Variants in PCDHGB2 observed in about 807,000 individuals in gnomAD.
The protein encoded by PCDHGB2 is protocadherin gamma subfamily B, 2.
Under a neutral mutation model 59.3 loss-of-function variants are expected in PCDHGB2, and 55 were observed. The ratio of observed to expected loss-of-function variants is 0.93; its 90% CI spans 0.75 to 1.16. PCDHGB2 has a LOEUF of 1.16. Among genes scored for constraint, PCDHGB2 ranks in the 50% most tolerant of loss-of-function variants. The pLI is 0.00. For synonymous variants in PCDHGB2, 516 were observed against 512.0 expected (o/e 1.01, Z -0.11); for missense variants, 1,228 against 1,198.5 (o/e 1.02, Z -0.36).
intron 2 of PCDHGB2, among the ~76,000 whole-genome samples, chr5:141,500,682 G>A (rs1661676761): frequency 6.6e-6 from 1 of 152,044 alleles, no homozygotes; most frequent in African/African-American, 2.4e-5. Context: ...CAGAATTATA[G>A]CTTTTTTCTT....
chr5:141,383,057 G>A (rs1778763110), intron 1 of PCDHGB2: 2 of 1,613,902 alleles, frequency 1.2e-6, no homozygotes, highest in Non-Finnish European at 1.7e-6. Context: ...AAGGACCTGG[G>A]GCTGGAGCCC....
At chr5:141,461,242 T>G (rs1246270739) in intron 1 of PCDHGB2, among the ~76,000 whole-genome samples, 1 of 152,170 alleles carries the variant, frequency 6.6e-6, no homozygotes, top group Non-Finnish European at 1.5e-5. Context: ...TGTACTAATT[T>G]ATATTCCCAG....
At chr5:141,399,464 C>T (rs747827208) in intron 1 of PCDHGB2, 4 of 1,614,018 alleles carry the variant, frequency 2.5e-6, no homozygotes, top group South Asian at 1.1e-5. Flanking sequence ...GATAACGCTC[C>T]GGTTTTCCAC....
intron 1 of PCDHGB2, chr5:141,398,796 C>G (rs765198482): frequency 8.1e-6 from 13 of 1,613,920 alleles, no homozygotes; most frequent in Middle Eastern, 1.6e-4. Context: ...CACCCCTAAG[C>G]GGCACCACTG....
intron 1 of PCDHGB2, chr5:141,400,720 T>G (rs2150871186): frequency 1.5e-6 from 1 of 669,356 alleles, no homozygotes; most frequent in Non-Finnish European, 2.5e-6. Context: ...CCTTATAGAT[T>G]TACAAAGTAG....
rs1460175237 is a variant in PCDHGB2, at chr5:141,485,185, G to A, written c.2422-9622G>A. ...AGCGGGCGGCAGCAATGCTCCGCAAGGTGAGAAGCTGGACAGAAATCTGGC... is the reference window on the plus strand; with the variant it reads ...AGCGGGCGGCAGCAATGCTCCGCAAAGTGAGAAGCTGGACAGAAATCTGGC... On this transcript the variant is annotated intron_variant, in intron 1 of 3. Transcript: ENST00000522605. This position sits in a 1 kb window ranked among gnomAD's most constrained non-coding sequence, Gnocchi z 5.7. 3.1e-6 allele frequency: 5 copies of A among 1,613,528 alleles called. No individual in the cohort carries two copies. Among genetic ancestry groups the A allele is most frequent in the African/African-American group, 2.7e-5 (2 of 75,052 alleles).
intron 1 of PCDHGB2, among the ~76,000 whole-genome samples, chr5:141,473,698 T>A (rs2099327181): frequency 6.6e-6 from 1 of 152,166 alleles, no homozygotes; most frequent in Non-Finnish European, 1.5e-5. Context: ...CTGACCACCC[T>A]CCAAGTGGTG....
Position 141,477,991 on chromosome 5 carries a change from T to C in PCDHGB2, c.2422-16816T>C, listed in dbSNP as rs774877878. On this transcript the variant is annotated intron_variant, in intron 1 of 3. Transcript: ENST00000522605. The surrounding 1 kb of genome is among the most constrained non-coding windows in gnomAD (Gnocchi z 4.9). The stretch of plus-strand genomic sequence containing the variant: ...GCCTTTTTGCCATAGGGCTGCACAC[T>C]GGTCAAATCAGTACTGCCCGTCCAG... 2 of 1,614,134 alleles carry C rather than the reference T, an allele frequency of 1.2e-6. No individual in the cohort carries two copies. Among genetic ancestry groups the C allele is most frequent in the South Asian group, 2.2e-5 (2 of 91,082 alleles).
chr5:141,415,740 G>GTTTTTTTTTTTTTTTTTT (rs57426385), intron 1 of PCDHGB2: 15 of 625,028 alleles, frequency 2.4e-5, no homozygotes, highest in African/African-American at 7.5e-5. Flanking sequence ...GTTTATTAAG[G>GTTTTTTTTTTTTTTTTTT]TTTTTTTTTT....
chr5:141,454,493 A>G (rs1328573277), intron 1 of PCDHGB2, among the ~76,000 whole-genome samples: 1 of 151,866 alleles, frequency 6.6e-6, no homozygotes, highest in Non-Finnish European at 1.5e-5. Context: ...CGCAACCTCC[A>G]CCTCCTGGAT....
chr5:141,392,299 T>C (rs1165805349), intron 1 of PCDHGB2: 1 of 151,994 alleles, frequency 6.6e-6, no homozygotes, highest in African/African-American at 2.4e-5. Flanking sequence ...GAAATGAAAG[T>C]ATCATGTTTT....
chr5:141,418,599 A>C, intron 1 of PCDHGB2: 2 of 1,614,054 alleles, frequency 1.2e-6, no homozygotes. Context: ...CAGGACGTGT[A>C]CAGGGTTAGC....
chr5:141,413,283 C>A lies in PCDHGB2; in HGVS notation c.2421+50727C>A, dbSNP rs377443382. On this transcript the variant is annotated intron_variant, in intron 1 of 3. Coordinates refer to ENST00000522605, the MANE Select transcript of PCDHGB2 (RefSeq NM_018923.3). ...GGGAGGCTGGAGCCCGGCAGATCTC[C>A]TACTCAATTCCTGAGGAATTAGAGA... The A allele has an allele frequency of 3.6e-5, 58 of 1,613,848 alleles. No individual in the cohort carries two copies. The African/African-American group carries it at 7.6e-4, about 21-fold the overall frequency.
In PCDHGB2 at chr5:141,370,820, C is replaced by T. The variant is rs140287572; in HGVS notation, c.2421+8264C>T. On this transcript the variant is annotated intron_variant, in intron 1 of 3. Coordinates refer to ENST00000522605, the MANE Select transcript of PCDHGB2 (RefSeq NM_018923.3). ...GCCAAAATATCACTGAGCTGGAAATCAGCGAACTGGCTCTCACTGGAGCCA... is the reference window on the plus strand; with the variant it reads ...GCCAAAATATCACTGAGCTGGAAATTAGCGAACTGGCTCTCACTGGAGCCA... 7 of 1,614,062 alleles carry T rather than the reference C, an allele frequency of 4.3e-6. No homozygotes were observed. The African/African-American group carries it at 5.3e-5, about 12-fold the overall frequency.
At chr5:141,398,555 G>A in intron 1 of PCDHGB2, 1 of 1,613,934 alleles carries the variant, frequency 6.2e-7, no homozygotes, top group Non-Finnish European at 8.5e-7. Context: ...CTGCAAATAA[G>A]TGAGTCTGCA....
chr5:141,367,668 G>T (rs1218712700), intron 1 of PCDHGB2: 2 of 152,216 alleles, frequency 1.3e-5, no homozygotes, highest in East Asian at 3.9e-4. Flanking sequence ...TGGATATGTG[G>T]GCTTGTTGAG....
rs144317211 is a variant in PCDHGB2 at position 141,432,088 on chromosome 5, A to G, written c.2422-62719A>G. On this transcript the variant is annotated intron_variant, in intron 1 of 3. Transcript: ENST00000522605. This position sits in a 1 kb window ranked among gnomAD's most constrained non-coding sequence, Gnocchi z 6.0. Reference sequence around the variant, plus strand: ...AAACTCATATCTCGCTGAACGTGGCAGACACCAACGACAACCCGCCGGTCT... The same window carrying G: ...AAACTCATATCTCGCTGAACGTGGCGGACACCAACGACAACCCGCCGGTCT... The G allele has an allele frequency of 6.2e-7, 1 of 1,614,148 alleles. No individual in the cohort carries two copies. Among genetic ancestry groups the G allele is most frequent in the South Asian group, 1.1e-5 (1 of 91,074 alleles).
chr5:141,442,006 G>A (rs540427406), intron 1 of PCDHGB2: 77 of 229,074 alleles, frequency 3.4e-4, no homozygotes, highest in African/African-American at 1.6e-3. Context: ...CTGACAGCTC[G>A]CACGATGGGC....
At chr5:141,374,287 C>G in intron 1 of PCDHGB2, 1 of 1,613,992 alleles carries the variant, frequency 6.2e-7, no homozygotes, top group Non-Finnish European at 8.5e-7. Flanking sequence ...GCATCGTCTC[C>G]AGAGGTAGGA....
Sources: allele counts gnomAD v4.1 joint callset (sites outside exome capture counted in the v4.1 genomes callset), GRCh38; gene constraint gnomAD v4.1.1; non-coding constraint Gnocchi (gnomAD v3.1); transcripts MANE v1.5; gene names NCBI Gene and HGNC (gene_info 2026-07-23, HGNC 2026-07-21).